ARHGAP28: variants seen among roughly 807,000 people sequenced by gnomAD.
ARHGAP28 encodes the protein Rho GTPase activating protein 28.
ARHGAP28 carries 56 observed loss-of-function variants against 90.7 expected under a neutral mutation model. The ratio of observed to expected loss-of-function variants is 0.62; its 90% CI spans 0.50 to 0.77. The LOEUF is 0.77. Among genes scored for constraint, ARHGAP28 ranks in the 30% least tolerant of loss-of-function variants. The probability of loss-of-function intolerance (pLI) is 0.00; values close to 1 mark genes in which losing one functional copy is unlikely to be tolerated. For missense variants in ARHGAP28, 869 were observed against 900.9 expected (o/e 0.96, Z 0.45); for synonymous variants, 308 against 323.3 (o/e 0.95, Z 0.51).
At chr18:6,801,827 C>G (rs1425240579) in intron 1 of ARHGAP28, among the ~76,000 whole-genome samples, 2 of 152,100 alleles carry the variant, frequency 1.3e-5, no homozygotes, top group Non-Finnish European at 2.9e-5. Context: ...AAATAGCCCA[C>G]CGGTCACCTT....
At chr18:6,772,797 C>T (rs558374469) in intron 1 of ARHGAP28, among the ~76,000 whole-genome samples, 7 of 151,918 alleles carry the variant, frequency 4.6e-5, no homozygotes, top group South Asian at 2.1e-4. Context: ...TGCAATGGCA[C>T]GGTCTCGGCT....
intron 1 of ARHGAP28, among the ~76,000 whole-genome samples, chr18:6,766,371 G>A (rs369461669): frequency 6.6e-6 from 1 of 152,120 alleles, no homozygotes; most frequent in Admixed American, 6.5e-5. Flanking sequence ...TTTAGTCCTA[G>A]TTCTTTTTCT....
intron 1 of ARHGAP28, among the ~76,000 whole-genome samples, chr18:6,771,437 G>C (rs925739113): frequency 6.6e-6 from 1 of 152,164 alleles, no homozygotes; most frequent in African/African-American, 2.4e-5. Context: ...AGAGAGGGTA[G>C]AGAGGAAAAG....
chr18:6,848,260 G>A (rs2056882077), intron 3 of ARHGAP28, among the ~76,000 whole-genome samples: 1 of 152,116 alleles, frequency 6.6e-6, no homozygotes, highest in Non-Finnish European at 1.5e-5. Flanking sequence ...GCCCTGCTAT[G>A]GTACTCTTTT....
intron 1 of ARHGAP28, among the ~76,000 whole-genome samples, chr18:6,808,691 C>G (rs1356594158): frequency 6.6e-6 from 1 of 152,110 alleles, no homozygotes; most frequent in African/African-American, 2.4e-5. Context: ...TGTATTTGAC[C>G]ATGTCTCTTT....
chr18:6,838,327 T>C (rs1444468976), intron 3 of ARHGAP28, among the ~76,000 whole-genome samples: 1 of 152,238 alleles, frequency 6.6e-6, no homozygotes, highest in Non-Finnish European at 1.5e-5. Context: ...AATAATGGCA[T>C]ACATTAAAAC....
At position 6,896,512 on chromosome 18, in the gene ARHGAP28, C is replaced by A. The variant is rs536437799; in HGVS notation, c.1916C>A (p.Pro639Gln). 6.2e-7 allele frequency: 1 copy of A among 1,613,968 alleles called. No individual in the cohort carries two copies. Among genetic ancestry groups the A allele is most frequent in the Non-Finnish European group, 8.5e-7 (1 of 1,179,928 alleles). Residue 639 changes from proline (P) to glutamine (Q), a missense_variant, in exon 16 of 18, where the codon CCG (proline) becomes CAG (glutamine). By Grantham distance (76) the Pro-to-Gln change is moderately conservative. Coordinates refer to ENST00000383472, the MANE Select transcript of ARHGAP28 (RefSeq NM_001366230.1). ...TCTCCTCCTTGGCAGTCTGACGTGC[C>A]GGAAGGAGTCATACGGGTCCATGCT... ...SPSARRMSDV[P>Q]EGVIRVHAPL... is the part of the protein sequence containing the mutation.
chr18:6,906,806 C>T (rs948286439), intron 16 of ARHGAP28, among the ~76,000 whole-genome samples: 1 of 152,092 alleles, frequency 6.6e-6, no homozygotes, highest in African/African-American at 2.4e-5. Context: ...AAAACTTATA[C>T]TCTAAAAGAC....
At position 6,837,389 on chromosome 18, in the gene ARHGAP28, A is replaced by G; in HGVS notation, c.518A>G (p.Asp173Gly). ...AAGCAATCTATCAGGGATGTCAGAG[A>G]CATTTTTGGAGTCAGTGAATCTCCT... is the stretch of plus-strand genomic sequence containing the variant. ...KDKQSIRDVR[D>G]IFGVSESPPR... The change falls in exon 3 of 18, where the codon GAC (aspartate) becomes GGC (glycine). Residue 173 changes from aspartate (D) to glycine (G), a missense_variant. Asp to Gly is a moderately conservative substitution (Grantham distance 94). Coordinates refer to ENST00000383472, the MANE Select transcript of ARHGAP28 (RefSeq NM_001366230.1). The G allele has an allele frequency of 6.2e-7, 1 of 1,613,798 alleles. No individual in the cohort carries two copies. Among genetic ancestry groups the G allele is most frequent in the East Asian group, 2.2e-5 (1 of 44,808 alleles).
chr18:6,909,274 G>GCTTTTCTTTTCTTTT (rs958637563), intron 17 of ARHGAP28, among the ~76,000 whole-genome samples: 1 of 99,708 alleles, frequency 1.0e-5, no homozygotes, highest in African/African-American at 3.1e-5. Flanking sequence ...TCTTTTCTTT[G>GCTTTTCTTTTCTTTT]CTTTTCTTTT....
At chr18:6,828,196 C>G (rs894317644) in intron 2 of ARHGAP28, among the ~76,000 whole-genome samples, 2 of 152,194 alleles carry the variant, frequency 1.3e-5, no homozygotes, top group African/African-American at 4.8e-5. Flanking sequence ...CAAAAAAATA[C>G]GAAAACCAGT....
At chr18:6,902,604 T>C (rs1227672818) in intron 16 of ARHGAP28, among the ~76,000 whole-genome samples, 1 of 152,176 alleles carries the variant, frequency 6.6e-6, no homozygotes, top group Non-Finnish European at 1.5e-5. Flanking sequence ...AAAGAACTGA[T>C]AATAAATAGA....
intron 2 of ARHGAP28, among the ~76,000 whole-genome samples, chr18:6,832,263 G>A (rs957847131): frequency 2.6e-5 from 4 of 151,712 alleles, no homozygotes; most frequent in South Asian, 2.1e-4. Context: ...AGTAAATTGT[G>A]TTATGTAACA....
At chr18:6,859,761 G>C in intron 4 of ARHGAP28, 47 bp from the exon 5 acceptor site, 1 of 1,544,978 alleles carries the variant, frequency 6.5e-7, no homozygotes, top group South Asian at 1.1e-5. Flanking sequence ...AAACACATTA[G>C]AAAGTATTTG....
At position 6,912,257 on chromosome 18, in the gene ARHGAP28, A is replaced by T; in HGVS notation, c.*103A>T. On this transcript the variant is annotated 3_prime_UTR_variant, in exon 18 of 18. Coordinates refer to ENST00000383472, the MANE Select transcript of ARHGAP28 (RefSeq NM_001366230.1). ...TGTTTGACGTATTTGTTCCTACAGC[A>T]TTCTCAGTATTTCTGGCCCTCAGCA... The T allele has an allele frequency of 1.7e-6, 1 of 602,826 alleles. No individual in the cohort carries two copies. The allele number at this position is 602,826 out of a possible 1,614,324, so 37.3% of individuals were successfully genotyped here. A position where few individuals can be genotyped will look rare whatever the true frequency, so the allele number is the denominator to read the frequency against.
At chr18:6,789,275 C>T (rs2056388678) in intron 1 of ARHGAP28, 1 of 152,094 alleles carries the variant, frequency 6.6e-6, no homozygotes, top group Non-Finnish European at 1.5e-5. Flanking sequence ...GACAGATGTA[C>T]ACTTTGAAAA....
intron 2 of ARHGAP28, among the ~76,000 whole-genome samples, chr18:6,831,471 G>GTTTTTTTTTTTTTTGT (rs2056714365): frequency 1.8e-5 from 2 of 109,304 alleles, no homozygotes; most frequent in Non-Finnish European, 1.8e-5. Flanking sequence ...GTATCTTGAT[G>GTTTTTTTTTTTTTTGT]TTTTTTTTTT....
At chr18:6,875,600 C>A (rs1419663968) in intron 9 of ARHGAP28, among the ~76,000 whole-genome samples, 3 of 152,194 alleles carry the variant, frequency 2.0e-5, no homozygotes, top group African/African-American at 7.2e-5. Context: ...TAGGAACTTA[C>A]ACATAATCAA....
intron 4 of ARHGAP28, among the ~76,000 whole-genome samples, chr18:6,859,324 AC>A (rs2056979148): frequency 6.6e-6 from 1 of 151,952 alleles, no homozygotes; most frequent in Non-Finnish European, 1.5e-5. Context: ...TCTGTCCCTG[AC>A]TTCTTCTTGG....
Sources: allele counts gnomAD v4.1 joint callset (sites outside exome capture counted in the v4.1 genomes callset), GRCh38; gene constraint gnomAD v4.1.1; transcripts MANE v1.5; gene names NCBI Gene and HGNC (gene_info 2026-07-23, HGNC 2026-07-21).